The following SLC44A5 variants were observed in gnomAD, a reference collection of about 807,000 sequenced individuals.
The protein encoded by SLC44A5 is choline transporter-like protein 5.
In SLC44A5, 57 loss-of-function variants were observed where a neutral mutation model predicts 101.8. The ratio of observed to expected loss-of-function variants is 0.56; its 90% CI spans 0.45 to 0.70. The LOEUF is 0.70. Among genes scored for constraint, SLC44A5 ranks in the 30% least tolerant of loss-of-function variants. The pLI is 0.00. For synonymous variants in SLC44A5, 281 were observed against 290.9 expected, an observed-to-expected ratio of 0.97 and a Z score of 0.35; for missense variants, 737 against 853.1, an observed-to-expected ratio of 0.86 and a Z score of 1.70.
chr1:75,266,140 C>T (rs942206346), intron 6 of SLC44A5, among the ~76,000 whole-genome samples: 3 of 152,126 alleles, frequency 2.0e-5, no homozygotes, highest in Non-Finnish European at 4.4e-5. Context: ...ATCACACCAC[C>T]TCTAAACATG....
chr1:75,721,222 C>A, the SLC44A5 span, among the ~76,000 whole-genome samples: 1 of 152,102 alleles, frequency 6.6e-6, no homozygotes, highest in African/African-American at 2.4e-5. Context: ...CCCTAGCCTA[C>A]GAGAAAGTCC....
the SLC44A5 span, among the ~76,000 whole-genome samples, chr1:75,697,981 G>A: frequency 3.3e-5 from 5 of 152,144 alleles, no homozygotes; most frequent in African/African-American, 7.2e-5. Context: ...ATTATATCCT[G>A]CACATGGCTT....
intron 3 of SLC44A5, among the ~76,000 whole-genome samples, chr1:75,352,096 ATACCCCATAAGTTATC>A (rs1308095703): frequency 2.6e-5 from 4 of 152,210 alleles, no homozygotes; most frequent in African/African-American, 9.6e-5. Flanking sequence ...GAAGGTTCTT[ATACCCCATAAGTTATC>A]TACCTAAGGA....
chr1:75,670,596 A>T, the SLC44A5 span, among the ~76,000 whole-genome samples: 1 of 152,208 alleles, frequency 6.6e-6, no homozygotes, highest in Non-Finnish European at 1.5e-5. Context: ...TTTAAAATAG[A>T]CTGTCCCAAC....
chr1:75,619,583 G>C, the SLC44A5 span, among the ~76,000 whole-genome samples: 3 of 151,888 alleles, frequency 2.0e-5, no homozygotes, highest in Non-Finnish European at 4.4e-5. Context: ...CACAAAAAAG[G>C]GTAGGCCTAA....
chr1:75,330,303 T>C (rs1352718746), intron 4 of SLC44A5, among the ~76,000 whole-genome samples: 1 of 151,814 alleles, frequency 6.6e-6, no homozygotes, highest in Non-Finnish European at 1.5e-5. Context: ...ACTCCAGCCC[T>C]GGGCCTTCCA....
intron 4 of SLC44A5, among the ~76,000 whole-genome samples, chr1:75,334,548 GCAC>G (rs1657297248): frequency 6.6e-6 from 1 of 152,120 alleles, no homozygotes; most frequent in Admixed American, 6.5e-5. Context: ...CAAGAATCTA[GCAC>G]TATTGTGTTT....
At chr1:75,225,190 A>G (rs1213873005) in intron 13 of SLC44A5, among the ~76,000 whole-genome samples, 1 of 152,212 alleles carries the variant, frequency 6.6e-6, no homozygotes, top group Non-Finnish European at 1.5e-5. Flanking sequence ...TCTTATGTTT[A>G]GATATACAAA....
chr1:75,676,751 A>T, the SLC44A5 span, among the ~76,000 whole-genome samples: 5,108 of 152,244 alleles, frequency 0.034, 291 homozygotes, highest in African/African-American at 0.11. Context: ...GAAAGATATC[A>T]ATATCCAAGT....
At chr1:75,587,364 G>A (rs935554067) in intron 1 of SLC44A5, among the ~76,000 whole-genome samples, 5 of 152,124 alleles carry the variant, frequency 3.3e-5, no homozygotes, top group African/African-American at 1.2e-4. Flanking sequence ...GCAACCTGAG[G>A]CTCAAGGTCA....
intron 6 of SLC44A5, among the ~76,000 whole-genome samples, chr1:75,274,015 T>A (rs1651714588): frequency 6.6e-6 from 1 of 152,118 alleles, no homozygotes; most frequent in African/African-American, 2.4e-5. Context: ...ACTTTTTTGT[T>A]GTCAATTTTT....
At position 75,279,214 on chromosome 1, in the gene SLC44A5, T is replaced by C. The variant is rs555239227; in HGVS notation, c.176-4172A>G. On this transcript the variant is annotated intron_variant, in intron 5 of 23. Transcript: ENST00000370859. The stretch of plus-strand genomic sequence containing the variant: ...TCATCTCTCCCTCCCTCATTCCCTT[T>C]CCAGCCCCTGCTAACCACCATTCTA... Among the ~76,000 whole-genome samples the C allele has an allele frequency of 3.4e-3, 511 of 152,242 alleles. 3 individuals are homozygous for C. The highest frequency in any genetic ancestry group is 0.012 in the African/African-American group (490 of 41,550).
intron 2 of SLC44A5, among the ~76,000 whole-genome samples, chr1:75,488,380 G>A (rs149493568): frequency 2.0e-5 from 3 of 152,198 alleles, no homozygotes; most frequent in African/African-American, 7.2e-5. Flanking sequence ...GTAGGTAATT[G>A]GAACACAATG....
At chr1:75,280,817 C>T (rs1652479939) in intron 5 of SLC44A5, among the ~76,000 whole-genome samples, 1 of 152,000 alleles carries the variant, frequency 6.6e-6, no homozygotes, top group Non-Finnish European at 1.5e-5. Context: ...GCTTCTCCTT[C>T]TGCCATGATT....
chr1:75,570,017 T>A (rs1420309347), intron 1 of SLC44A5, among the ~76,000 whole-genome samples: 4 of 152,248 alleles, frequency 2.6e-5, no homozygotes, highest in African/African-American at 9.6e-5. Context: ...AACATGCAAC[T>A]CAAAGTTATC....
intron 1 of SLC44A5, among the ~76,000 whole-genome samples, chr1:75,551,599 G>A (rs533672463): frequency 3.3e-5 from 5 of 152,108 alleles, no homozygotes; most frequent in Admixed American, 6.6e-5. Context: ...TTGGTCAGAA[G>A]GGATCAATTT....
chr1:75,521,743 G>A (rs886258082), intron 2 of SLC44A5: 3 of 153,176 alleles, frequency 2.0e-5, no homozygotes, highest in Admixed American at 6.5e-5. Context: ...GTACTGCTGT[G>A]GTCTGAGTGA....
chr1:75,562,303 C>T (rs1570618956), intron 1 of SLC44A5, among the ~76,000 whole-genome samples: 1 of 152,050 alleles, frequency 6.6e-6, no homozygotes, highest in African/African-American at 2.4e-5. Context: ...AGACTTCTTT[C>T]ATTTTGTTTT....
At chr1:75,644,219 T>A in the SLC44A5 span, among the ~76,000 whole-genome samples, 1 of 152,206 alleles carries the variant, frequency 6.6e-6, no homozygotes. Context: ...ATATGCATTG[T>A]TTTATGTATT....
Sources: allele counts gnomAD v4.1 joint callset (sites outside exome capture counted in the v4.1 genomes callset), GRCh38; gene constraint gnomAD v4.1.1; transcripts MANE v1.5; gene names NCBI Gene and HGNC (gene_info 2026-07-23, HGNC 2026-07-21).